The following AGMO variants were observed in gnomAD, a reference collection of about 807,000 sequenced individuals.
The protein encoded by AGMO is glyceryl-ether monooxygenase.
A neutral mutation model predicts 60.2 loss-of-function variants in AGMO; 75 were observed. The observed-to-expected ratio is 1.25, with a 90% CI of 1.03 to 1.51. The LOEUF (loss-of-function observed/expected upper bound fraction) is 1.51, where lower values mean the gene tolerates loss of function less well. Among genes scored for constraint, AGMO ranks in the 40% most tolerant of loss-of-function variants. AGMO has a pLI of 0.00. For missense variants in AGMO, 763 were observed against 525.5 expected (o/e 1.45, Z -4.42); for synonymous variants, 261 against 177.1 (o/e 1.47, Z -3.76).
intron 3 of AGMO, among the ~76,000 whole-genome samples, chr7:15,482,762 T>C (rs1029280602): frequency 6.6e-6 from 1 of 152,190 alleles, no homozygotes; most frequent in East Asian, 1.9e-4. Context: ...TGTAATGATA[T>C]ACAAAAAGGA....
In AGMO at chr7:15,331,291, AAT is replaced by A. The variant is rs565029905; in HGVS notation, c.1263+34221_1263+34222del. ...TTCCTAATCAATAGAAGCTGTGAGA[AAT>A]AAAAATGATTATTACGGCTTAAGCC... On this transcript the variant is annotated intron_variant, in intron 12 of 12. Coordinates refer to ENST00000342526, the MANE Select transcript of AGMO (RefSeq NM_001004320.2). Among the ~76,000 whole-genome samples, 426 of 152,354 alleles carry A rather than the reference AAT, an allele frequency of 2.8e-3. 1 individual carries two copies. Among genetic ancestry groups the A allele is most frequent in the Non-Finnish European group, 4.1e-3 (280 of 68,036 alleles).
chr7:15,390,877 A>AT lies in AGMO; in HGVS notation c.704dup (p.Asn235LysfsTer11). The AT allele has an allele frequency of 6.2e-7, 1 of 1,604,164 alleles. No individual in the cohort carries two copies. On this transcript the variant is annotated frameshift_variant, in exon 7 of 13. Coordinates refer to ENST00000342526, the MANE Select transcript of AGMO (RefSeq NM_001004320.2). LOFTEE classifies it high-confidence loss of function. ...CCCAAATAATAAGAACACCAGCATA[A>AT]TTTTTGTCTATGCAATAACGATTTC...
intron 12 of AGMO, among the ~76,000 whole-genome samples, chr7:15,245,642 G>A (rs1324517160): frequency 6.6e-6 from 1 of 151,916 alleles, no homozygotes; most frequent in African/African-American, 2.4e-5. Context: ...CATGTTCTGA[G>A]TGCCTAAAGT....
chr7:15,279,654 C>A (rs1783906001), intron 12 of AGMO, among the ~76,000 whole-genome samples: 1 of 152,108 alleles, frequency 6.6e-6, no homozygotes, highest in Non-Finnish European at 1.5e-5. Context: ...TTAACAGGAA[C>A]ACTGAAAGAA....
At chr7:15,178,093 T>C in the AGMO span, among the ~76,000 whole-genome samples, 1 of 152,188 alleles carries the variant, frequency 6.6e-6, no homozygotes, top group Non-Finnish European at 1.5e-5. Context: ...TTAGTAGTAG[T>C]TAGCGTTATC....
At chr7:15,322,958 C>T (rs868198374) in intron 12 of AGMO, among the ~76,000 whole-genome samples, 1 of 123,908 alleles carries the variant, frequency 8.1e-6, no homozygotes, top group African/African-American at 3.0e-5. Flanking sequence ...ATATATATAA[C>T]ACGTGTGTGT....
rs1427877778 is a variant in AGMO, at chr7:15,282,257, T to C, written c.1264-80898A>G. Among the ~76,000 whole-genome samples the C allele has an allele frequency of 4.6e-5, 7 of 151,130 alleles. No homozygotes were observed. The East Asian group carries it at 1.4e-3, about 29-fold the overall frequency. ...ACCTCTACAATACCAGATAAAGAAT[T>C]CAAAAGGTTGAATATTAAGCTACTC... is the stretch of plus-strand genomic sequence containing the variant. On this transcript the variant is annotated intron_variant, in intron 12 of 12. Transcript: ENST00000342526.
chr7:15,412,684 TAAAAAA>T (rs765917941), intron 5 of AGMO, among the ~76,000 whole-genome samples: 1 of 111,374 alleles, frequency 9.0e-6, no homozygotes, highest in Non-Finnish European at 1.8e-5. Context: ...TTTCATTATT[TAAAAAA>T]AAAAAAAAAA....
chr7:15,457,765 G>C (rs1048484345), intron 3 of AGMO, among the ~76,000 whole-genome samples: 2 of 152,066 alleles, frequency 1.3e-5, no homozygotes, highest in African/African-American at 2.4e-5. Context: ...ATTTTATTTA[G>C]AAGATGCAAA....
chr7:15,531,573 C>CTATATATTTTCT (rs1491119803), intron 3 of AGMO, among the ~76,000 whole-genome samples: 1 of 39,412 alleles, frequency 2.5e-5, no homozygotes, highest in South Asian at 7.4e-4. Flanking sequence ...CTATATATTC[C>CTATATATTTTCT]ATATATATAT....
At chr7:15,397,135 GC>G (rs1038865684) in intron 5 of AGMO, among the ~76,000 whole-genome samples, 1 of 152,152 alleles carries the variant, frequency 6.6e-6, no homozygotes, top group African/African-American at 2.4e-5. Context: ...CACTCCCGCA[GC>G]CCAGAGGGAG....
chr7:15,320,415 T>C (rs904712104), intron 12 of AGMO, among the ~76,000 whole-genome samples: 1 of 152,054 alleles, frequency 6.6e-6, no homozygotes, highest in Admixed American at 6.6e-5. Flanking sequence ...ATGTTTCTCA[T>C]ACCAAATTCT....
chr7:15,493,813 T>C (rs898341895), intron 3 of AGMO, among the ~76,000 whole-genome samples: 3 of 152,182 alleles, frequency 2.0e-5, no homozygotes, highest in Non-Finnish European at 4.4e-5. Context: ...AATCAGGGCA[T>C]GGTTTGACAG....
intron 3 of AGMO, among the ~76,000 whole-genome samples, chr7:15,440,017 C>G (rs933306898): frequency 1.3e-5 from 2 of 152,134 alleles, no homozygotes; most frequent in Non-Finnish European, 2.9e-5. Flanking sequence ...ATGTGTATTT[C>G]CCTTAGCCTG....
At chr7:15,429,800 G>A (rs572832482) in intron 4 of AGMO, among the ~76,000 whole-genome samples, 4 of 152,132 alleles carry the variant, frequency 2.6e-5, no homozygotes, top group Admixed American at 6.6e-5. Flanking sequence ...CTGGTTTCAA[G>A]TACTTGGCTT....
the AGMO span, among the ~76,000 whole-genome samples, chr7:15,156,863 T>A: frequency 6.6e-6 from 1 of 152,122 alleles, no homozygotes; most frequent in African/African-American, 2.4e-5. Flanking sequence ...CCATCTTGGC[T>A]CTCCACCTTA....
intron 2 of AGMO, among the ~76,000 whole-genome samples, chr7:15,558,587 A>G (rs1443985004): frequency 6.6e-6 from 1 of 152,062 alleles, no homozygotes; most frequent in African/African-American, 2.4e-5. Context: ...CTTATTCATG[A>G]TAATCTGGGA....
At chr7:15,362,076 C>T (rs1782789096) in intron 12 of AGMO, among the ~76,000 whole-genome samples, 1 of 152,130 alleles carries the variant, frequency 6.6e-6, no homozygotes, top group African/African-American at 2.4e-5. Flanking sequence ...AGCCCTAATT[C>T]ATATTGACTG....
intron 12 of AGMO, among the ~76,000 whole-genome samples, chr7:15,364,644 G>A (rs369976672): frequency 2.2e-4 from 33 of 152,130 alleles, no homozygotes; most frequent in East Asian, 1.7e-3. Flanking sequence ...TCCTAGAAGT[G>A]AAATGCCGGG....
Sources: allele counts gnomAD v4.1 joint callset (sites outside exome capture counted in the v4.1 genomes callset), GRCh38; gene constraint gnomAD v4.1.1; transcripts MANE v1.5; gene names NCBI Gene and HGNC (gene_info 2026-07-23, HGNC 2026-07-21).